Variants in ZNF157 observed in about 807,000 individuals in gnomAD.
ZNF157 encodes zinc finger protein 157.
Under a neutral mutation model 9.4 loss-of-function variants are expected in ZNF157, and 8 were observed. The ratio of observed to expected loss-of-function variants is 0.85; its 90% CI spans 0.50 to 1.53. The LOEUF (loss-of-function observed/expected upper bound fraction) is 1.53. Ranked by LOEUF, ZNF157 falls within the 40% of genes most tolerant of loss-of-function variation. ZNF157 has a pLI of 0.00. For synonymous variants in ZNF157, 120 were observed against 130.8 expected, an observed-to-expected ratio of 0.92 and a Z score of 0.56; for missense variants, 316 against 385.2, an observed-to-expected ratio of 0.82 and a Z score of 1.50.
intron 1 of ZNF157, among the ~76,000 whole-genome samples, chrX:47,392,829 G>A (rs2055901140): frequency 9.0e-6 from 1 of 111,514 alleles, no homozygotes; most frequent in Non-Finnish European, 1.9e-5. Context: ...AAACCCAGTA[G>A]GGAAAATATC....
chrX:47,372,787 C>T (rs2055832597), intron 1 of ZNF157, among the ~76,000 whole-genome samples: 1 of 110,408 alleles, frequency 9.1e-6, no homozygotes, highest in East Asian at 2.9e-4. Context: ...AGCCACCATG[C>T]CCGGCCTGAA....
intron 1 of ZNF157, among the ~76,000 whole-genome samples, chrX:47,371,877 G>T (rs959556906): frequency 8.9e-6 from 1 of 111,794 alleles, no homozygotes; most frequent in African/African-American, 3.2e-5. Flanking sequence ...AAAGTGCTGG[G>T]ATTACAGGCG....
intron 1 of ZNF157, among the ~76,000 whole-genome samples, chrX:47,399,665 C>T (rs756506865): frequency 7.2e-5 from 8 of 111,327 alleles, no homozygotes; most frequent in Non-Finnish European, 1.9e-5. Context: ...CCCATGTCTC[C>T]TCTCTCTTTC....
At chrX:47,388,292 C>T (rs993731837) in intron 1 of ZNF157, among the ~76,000 whole-genome samples, 3 of 109,474 alleles carry the variant, frequency 2.7e-5, no homozygotes, top group South Asian at 3.9e-4. Context: ...CTATGTTGCC[C>T]TGGCTGGTCC....
chrX:47,395,065 C>G (rs1332443375), intron 1 of ZNF157, among the ~76,000 whole-genome samples: 1 of 111,454 alleles, frequency 9.0e-6, no homozygotes. Context: ...TCAACCTATC[C>G]GTCCACCTTG....
At chrX:47,410,482 G>A in intron 2 of ZNF157, 80 bp downstream of exon 2, 5 of 1,126,211 alleles carry the variant, frequency 4.4e-6, no homozygotes, top group Non-Finnish European at 6.0e-6. Context: ...CCTTGCGAGG[G>A]TTTAATGATA....
intron 1 of ZNF157, among the ~76,000 whole-genome samples, chrX:47,377,748 T>TAAA (rs774493260): frequency 1.3e-3 from 127 of 96,767 alleles, no homozygotes; most frequent in East Asian, 3.1e-3. Flanking sequence ...TTTTTTTTTT[T>TAAA]AAAAAAAACC....
intron 1 of ZNF157, among the ~76,000 whole-genome samples, chrX:47,380,361 G>A (rs2055857649): frequency 9.0e-6 from 1 of 110,881 alleles, no homozygotes; most frequent in Admixed American, 9.7e-5. Flanking sequence ...TCAAATGTGC[G>A]GTTTGACTTT....
At chrX:47,387,221 C>T (rs1220200533) in intron 1 of ZNF157, among the ~76,000 whole-genome samples, 1 of 109,990 alleles carries the variant, frequency 9.1e-6, no homozygotes, top group East Asian at 2.9e-4. Context: ...CTCCCGGATT[C>T]AAGTGATTCT....
At chrX:47,371,069 G>C (rs950462894) in intron 1 of ZNF157, among the ~76,000 whole-genome samples, 2 of 111,505 alleles carry the variant, frequency 1.8e-5, no homozygotes, top group Admixed American at 1.9e-4. Context: ...GGTGGCTCAC[G>C]CCTGTCACCT....
chrX:47,410,717 G>A lies in ZNF157; in HGVS notation c.237G>A (p.Leu79=). ...CVAKPEMIFK[L]ERGEELWILE... ...CCAAACCAGAGATGATCTTCAAGTT[G>A]GAGCGAGGAGAAGAGCTGTGGATAT... Residue 79 remains leucine, a synonymous_variant, in exon 3 of 4, where the codon TTG becomes TTA. Transcript: ENST00000377073. The A allele has an allele frequency of 8.3e-7, 1 of 1,207,648 alleles. No individual in the cohort carries two copies. The highest frequency in any genetic ancestry group is 1.1e-6 in the Non-Finnish European group (1 of 893,745).
chrX:47,375,386 A>G (rs1298513865), intron 1 of ZNF157, among the ~76,000 whole-genome samples: 1 of 102,080 alleles, frequency 9.8e-6, no homozygotes, highest in Non-Finnish European at 1.9e-5. Context: ...ATATGCTGTC[A>G]CCTCCTCAAC....
At position 47,412,879 on chromosome X, in the gene ZNF157, CAG is replaced by C; in HGVS notation, c.807_808del (p.Lys272ThrfsTer3). Reference sequence around the variant, plus strand: ...CTCACGATTCATCAGAGAACTCACACAGGGGAGAAACCCTATGAATGTAGTGA... The same window carrying C: ...CTCACGATTCATCAGAGAACTCACACGGGAGAAACCCTATGAATGTAGTGA... On this transcript the variant is annotated frameshift_variant, in exon 4 of 4. Transcript: ENST00000377073. LOFTEE classifies it low-confidence loss of function (END_TRUNC). 8.3e-7 allele frequency: 1 copy of C among 1,212,012 alleles called. No homozygotes were observed. Among genetic ancestry groups the C allele is most frequent in the Non-Finnish European group, 1.1e-6 (1 of 895,524 alleles).
At position 47,410,436 on chromosome X, in the gene ZNF157, G is replaced by A. The variant is rs201085298; in HGVS notation, c.199+34G>A. 21 of 1,199,768 alleles carry A rather than the reference G, an allele frequency of 1.8e-5. No individual in the cohort carries two copies. In the East Asian group the frequency reaches 2.7e-4, roughly 15 times the overall value. The stretch of plus-strand genomic sequence containing the variant: ...GATTGTCCGTGTAACTCCTGAGAGC[G>A]TGTGTTTCCTTTCTTGGTTGCTGTA... On this transcript the variant is annotated intron_variant, in intron 2 of 3. Transcript: ENST00000377073.
chrX:47,413,374 G>T lies in ZNF157; in HGVS notation c.1301G>T (p.Arg434Ile), dbSNP rs191123399. Residue 434 changes from arginine to isoleucine, a missense_variant, in exon 4 of 4, where the codon AGA becomes ATA. By Grantham distance (97) the Arg-to-Ile change is moderately conservative. Around this residue, in one of 3 missense-constraint regions of ZNF157, gnomAD observed 167 missense variants for 183.6 expected, o/e 0.91. Coordinates refer to ENST00000377073, the MANE Select transcript of ZNF157 (RefSeq NM_003446.4). ...AAGAAATCCCTTTGTCAACACCGGA[G>T]AACTCACACAGGAGAGAAACCTTAT... is the stretch of plus-strand genomic sequence containing the variant. ...SMKKSLCQHRRTHTGEKPYEC... is the reference protein window; with the variant it reads ...SMKKSLCQHRITHTGEKPYEC... The T allele has an allele frequency of 1.9e-5, 23 of 1,210,329 alleles. No individual in the cohort carries two copies. Among genetic ancestry groups the T allele is most frequent in the East Asian group, 8.9e-5 (3 of 33,787 alleles).
At chrX:47,390,248 G>A (rs914598440) in intron 1 of ZNF157, 3 of 111,825 alleles carry the variant, frequency 2.7e-5, no homozygotes, top group African/African-American at 9.7e-5. Flanking sequence ...GTGTCCCCAC[G>A]GGATGAGCAT....
At chrX:47,398,216 G>A (rs778027164) in intron 1 of ZNF157, among the ~76,000 whole-genome samples, 106 of 110,974 alleles carry the variant, frequency 9.6e-4, no homozygotes, top group African/African-American at 3.1e-3. Flanking sequence ...TATTAAATGC[G>A]GATTCAGAGA....
At chrX:47,375,784 C>T (rs1361579211) in intron 1 of ZNF157, among the ~76,000 whole-genome samples, 2 of 110,631 alleles carry the variant, frequency 1.8e-5, no homozygotes, top group African/African-American at 6.6e-5. Flanking sequence ...GCCTCTACCT[C>T]CCAGGCTCAG....
chrX:47,389,456 T>A (rs1159678807), intron 1 of ZNF157, among the ~76,000 whole-genome samples: 6 of 110,073 alleles, frequency 5.5e-5, no homozygotes, highest in Non-Finnish European at 1.1e-4. Context: ...CTCAAGCAGA[T>A]CTTCCCACCT....
Sources: allele counts gnomAD v4.1 joint callset (sites outside exome capture counted in the v4.1 genomes callset), GRCh38; gene constraint gnomAD v4.1.1; regional missense constraint gnomAD v4.1.1; transcripts MANE v1.5; gene names NCBI Gene and HGNC (gene_info 2026-07-23, HGNC 2026-07-21).